The following KIFAP3 variants were observed in gnomAD, a reference collection of about 807,000 sequenced individuals.
KIFAP3 encodes the protein kinesin associated protein 3, also known as kinesin-associated protein 3.
A neutral mutation model predicts 106.5 loss-of-function variants in KIFAP3; 68 were observed. The ratio of observed to expected loss-of-function variants is 0.64; its 90% confidence interval spans 0.53 to 0.78. KIFAP3 has a LOEUF of 0.78. KIFAP3 is among the 30% of genes least tolerant of loss of function. The probability of loss-of-function intolerance (pLI) is 0.00; values close to 1 mark genes in which losing one functional copy is unlikely to be tolerated. For synonymous variants in KIFAP3, 320 were observed against 311.5 expected (o/e 1.03, Z -0.29); for missense variants, 780 against 941.8 (o/e 0.83, Z 2.25).
chr1:170,042,964 C>T (rs1047841816), intron 3 of KIFAP3, among the ~76,000 whole-genome samples: 3 of 152,262 alleles, frequency 2.0e-5, no homozygotes, highest in South Asian at 2.1e-4. Context: ...TTGAATATTA[C>T]GCTTTTTTCA....
intron 11 of KIFAP3, 113 bp from the exon 12 acceptor site, chr1:169,984,803 T>C (rs1390611231): frequency 3.5e-6 from 2 of 566,424 alleles, no homozygotes; most frequent in African/African-American, 3.8e-5. Context: ...GGGCATAATA[T>C]AATTATTTAC....
chr1:169,927,245 A>G (rs1311193056), intron 19 of KIFAP3, among the ~76,000 whole-genome samples: 5 of 152,178 alleles, frequency 3.3e-5, no homozygotes, highest in African/African-American at 9.7e-5. Flanking sequence ...AAGCCAAGGA[A>G]AAAACATGGT....
In KIFAP3 at chr1:170,074,667, G is replaced by A; in HGVS notation, c.-200C>T. 1.4e-6 allele frequency: 2 copies of A among 1,447,524 alleles called. No individual in the cohort carries two copies. The highest frequency in any genetic ancestry group is 1.8e-6 in the Non-Finnish European group (2 of 1,100,008). 89.7% of individuals were successfully genotyped at this position (1,447,524 alleles called of 1,614,324 possible). A position where few individuals can be genotyped will look rare whatever the true frequency, so the allele number is the denominator to read the frequency against. ...ACAGCTTCTGTGCCCCAAAACACTG[G>A]AGCGGCCCAGACCCGCCCAGAGTCG... On this transcript the variant is annotated 5_prime_UTR_variant, in exon 1 of 20. Coordinates refer to ENST00000361580, the MANE Select transcript of KIFAP3 (RefSeq NM_014970.4).
chr1:170,027,144 T>A (rs1351597037), intron 8 of KIFAP3, among the ~76,000 whole-genome samples: 1 of 151,468 alleles, frequency 6.6e-6, no homozygotes, highest in Non-Finnish European at 1.5e-5. Flanking sequence ...CTCAGCCTCC[T>A]GAGTAGCTGG....
chr1:170,068,908 GA>G (rs1378076832), intron 1 of KIFAP3: 1 of 151,712 alleles, frequency 6.6e-6, no homozygotes, highest in Non-Finnish European at 1.5e-5. Context: ...ACAGAGACTA[GA>G]AAAAGAATAG....
intron 8 of KIFAP3, among the ~76,000 whole-genome samples, chr1:170,029,260 G>A (rs962931219): frequency 2.0e-5 from 3 of 151,982 alleles, no homozygotes; most frequent in African/African-American, 7.2e-5. Context: ...TGATAGATGT[G>A]CAGGAGCAAT....
chr1:170,003,120 A>G (rs900202965), intron 10 of KIFAP3, among the ~76,000 whole-genome samples: 2 of 152,208 alleles, frequency 1.3e-5, no homozygotes, highest in African/African-American at 2.4e-5. Flanking sequence ...AACAAAAGAT[A>G]TATAAAATAG....
intron 19 of KIFAP3, among the ~76,000 whole-genome samples, chr1:169,923,986 TC>T (rs769731706): frequency 1.5e-4 from 3 of 19,450 alleles, no homozygotes; most frequent in African/African-American, 1.4e-3. Flanking sequence ...TGCAAAATTC[TC>T]CCCCTTTTTT....
intron 19 of KIFAP3, among the ~76,000 whole-genome samples, chr1:169,930,587 C>T (rs1248535170): frequency 6.6e-6 from 1 of 152,186 alleles, no homozygotes; most frequent in Non-Finnish European, 1.5e-5. Flanking sequence ...GGTCTTTGAG[C>T]ACAGACAGGT....
chr1:170,065,794 C>T (rs914121794), intron 1 of KIFAP3, among the ~76,000 whole-genome samples: 4 of 152,080 alleles, frequency 2.6e-5, no homozygotes, highest in East Asian at 1.9e-4. Context: ...GTACTAACCA[C>T]GTTCAAAGTG....
rs74976866 is a variant in KIFAP3, at chr1:169,952,954, C to T, written c.2273+1057G>A. 4.3e-3 allele frequency among the ~76,000 whole-genome samples: 647 copies of T among 151,934 alleles called. 6 individuals carry two copies. Among genetic ancestry groups the T allele is most frequent in the Non-Finnish European group, 6.6e-3 (450 of 67,926 alleles). Reference sequence around the variant, plus strand: ...AAAAAATACGTGAACATATCTTACACATAGAAAATAGCTTATCCTAATGAA... The same window carrying T: ...AAAAAATACGTGAACATATCTTACATATAGAAAATAGCTTATCCTAATGAA... On this transcript the variant is annotated intron_variant, in intron 19 of 19. Transcript: ENST00000361580.
At chr1:170,023,212 C>T (rs1363966391) in intron 9 of KIFAP3, among the ~76,000 whole-genome samples, 1 of 151,818 alleles carries the variant, frequency 6.6e-6, no homozygotes, top group African/African-American at 2.4e-5. Flanking sequence ...ATGACAGATA[C>T]TAAATATATA....
chr1:169,984,656 C>G lies in KIFAP3; in HGVS notation c.1319G>C (p.Arg440Pro). The G allele has an allele frequency of 6.2e-7, 1 of 1,607,584 alleles. No homozygotes were observed. The highest frequency in any genetic ancestry group is 2.2e-5 in the East Asian group (1 of 44,700). The part of the protein sequence containing the change: ...MKMLFECSDE[R>P]IDLELISFCI... Reference sequence around the variant, plus strand: ...GAAAGAAATGAGTTCCAAGTCAATTCGTTCATCTGAACATTCAAACAGCAT... The same window carrying G: ...GAAAGAAATGAGTTCCAAGTCAATTGGTTCATCTGAACATTCAAACAGCAT... Residue 440 changes from arginine (R) to proline (P), a missense_variant, in exon 12 of 20, where the codon CGA (arginine) becomes CCA (proline). This residue lies in a region of KIFAP3 where 588 missense variants were observed against 678.9 expected (regional missense o/e 0.87). Coordinates refer to ENST00000361580, the MANE Select transcript of KIFAP3 (RefSeq NM_014970.4).
At chr1:170,032,470 A>G (rs188243357) in intron 7 of KIFAP3, among the ~76,000 whole-genome samples, 7 of 151,854 alleles carry the variant, frequency 4.6e-5, no homozygotes, top group African/African-American at 1.7e-4. Context: ...GCCTTTTCAG[A>G]CTAGAGATGC....
intron 10 of KIFAP3, among the ~76,000 whole-genome samples, chr1:170,013,202 T>C (rs986216965): frequency 9.2e-5 from 14 of 152,132 alleles, no homozygotes; most frequent in Non-Finnish European, 1.6e-4. Flanking sequence ...TAAATTTCTG[T>C]TGTTTATAAG....
intron 8 of KIFAP3, among the ~76,000 whole-genome samples, chr1:170,025,717 T>C (rs963097894): frequency 2.6e-5 from 4 of 152,130 alleles, no homozygotes; most frequent in Non-Finnish European, 5.9e-5. Flanking sequence ...AAAGTGGTAG[T>C]GCTAAATTAA....
chr1:170,021,941 C>CTT lies in KIFAP3; in HGVS notation c.1020+2475_1020+2476dup, dbSNP rs71125221. Among the ~76,000 whole-genome samples the CTT allele has an allele frequency of 9.3e-3, 726 of 77,902 alleles. 80 individuals are homozygous for CTT. Among genetic ancestry groups the CTT allele is most frequent in the African/African-American group, 0.025 (521 of 21,016 alleles). 51.1% of individuals were successfully genotyped at this position (77,902 alleles called of 152,430 possible). A position where few individuals can be genotyped will look rare whatever the true frequency, so the allele number is the denominator to read the frequency against. On this transcript the variant is annotated intron_variant, in intron 9 of 19. Transcript: ENST00000361580. The stretch of plus-strand genomic sequence containing the variant: ...TCAGGTCTATTTCTTTCTTTTCTTT[C>CTT]TTTTTTTTTTTTTTTTTTTTTTTTT...
intron 7 of KIFAP3, 147 bp from the exon 8 acceptor site, chr1:170,032,131 A>G: frequency 1.8e-6 from 1 of 558,666 alleles, no homozygotes; most frequent in Non-Finnish European, 3.2e-6. Context: ...TGTTATCTGC[A>G]TAATAACTGT....
At chr1:169,969,947 T>C (rs930694181) in intron 17 of KIFAP3, among the ~76,000 whole-genome samples, 2 of 152,066 alleles carry the variant, frequency 1.3e-5, no homozygotes, top group African/African-American at 4.8e-5. Flanking sequence ...TTAATAAACA[T>C]GTATTAAATG....
Sources: gnomAD v4.1 joint callset for allele counts (sites outside exome capture counted in the v4.1 genomes callset) on GRCh38, gnomAD v4.1.1 for gene constraint, gnomAD v4.1.1 regional missense constraint, MANE v1.5 for transcripts, NCBI Gene and HGNC (gene_info 2026-07-23, HGNC 2026-07-21) for gene names.